TRPM3: variants seen among roughly 807,000 people sequenced by gnomAD.
The protein encoded by TRPM3 is long transient receptor potential channel 3.
In TRPM3, 77 loss-of-function variants were observed where a neutral mutation model predicts 181.2. The ratio of observed to expected loss-of-function variants is 0.42; its 90% CI spans 0.35 to 0.51. The LOEUF (loss-of-function observed/expected upper bound fraction) is 0.51, where lower values mean the gene tolerates loss of function less well. Ranked by LOEUF, TRPM3 falls within the 20% of genes least tolerant of loss-of-function variation. TRPM3 has a pLI of 0.01. For synonymous variants in TRPM3, 745 were observed against 796.4 expected (o/e 0.94, Z 1.09); for missense variants, 1,759 against 2,196.7 (o/e 0.80, Z 3.98).
chr9:70,822,485 T>A (rs1477872200), intron 6 of TRPM3, among the ~76,000 whole-genome samples: 1 of 151,568 alleles, frequency 6.6e-6, no homozygotes, highest in Non-Finnish European at 1.5e-5. Context: ...ATGAGGTACC[T>A]AAAATAGGCA....
intron 3 of TRPM3, among the ~76,000 whole-genome samples, chr9:70,861,841 G>A (rs2095527664): frequency 7.2e-6 from 1 of 138,432 alleles, no homozygotes; most frequent in Non-Finnish European, 1.5e-5. Flanking sequence ...TTCAGAAATG[G>A]TTTTAATATA....
chr9:71,402,206 G>A (rs965732799), intron 1 of TRPM3, among the ~76,000 whole-genome samples: 1 of 152,072 alleles, frequency 6.6e-6, no homozygotes, highest in African/African-American at 2.4e-5. Flanking sequence ...TTTAAATATC[G>A]AGTTCACTTG....
chr9:70,741,618 A>T (rs1467462166), intron 8 of TRPM3, among the ~76,000 whole-genome samples: 1 of 152,204 alleles, frequency 6.6e-6, no homozygotes, highest in Admixed American at 6.5e-5. Flanking sequence ...GTATATGTAT[A>T]TATATCACAG....
intron 8 of TRPM3, among the ~76,000 whole-genome samples, chr9:70,760,386 G>A (rs1307654299): frequency 6.7e-6 from 1 of 149,020 alleles, no homozygotes; most frequent in Non-Finnish European, 1.5e-5. Context: ...TATTCGAGCT[G>A]CAACACCATG....
rs926345600 is a variant in TRPM3 at position 70,803,050 on chromosome 9, A to C, written c.974-18771T>G. Among the ~76,000 whole-genome samples the C allele has an allele frequency of 6.1e-5, 8 of 131,638 alleles. 1 individual carries two copies. Among genetic ancestry groups the C allele is most frequent in the Non-Finnish European group, 1.0e-4 (7 of 66,962 alleles). The allele number at this position is 131,638 out of a possible 152,430, so 86.4% of individuals were successfully genotyped here. On this transcript the variant is annotated intron_variant, in intron 6 of 25. Coordinates refer to ENST00000677713, the MANE Select transcript of TRPM3 (RefSeq NM_001366145.2). ...AAATTTTGTAAAAAAAAAAAAAAAA[A>C]AAAAAAAAACAAAGGCCCAACTCCA... is the stretch of plus-strand genomic sequence containing the variant.
intron 1 of TRPM3, among the ~76,000 whole-genome samples, chr9:71,441,282 C>A (rs2094133209): frequency 6.6e-6 from 1 of 151,534 alleles, no homozygotes; most frequent in Non-Finnish European, 1.5e-5. Context: ...CAACTGTATT[C>A]CTGAGCAATA....
At chr9:71,438,225 A>T (rs965308887) in intron 1 of TRPM3, among the ~76,000 whole-genome samples, 2 of 152,220 alleles carry the variant, frequency 1.3e-5, no homozygotes, top group Non-Finnish European at 2.9e-5. Context: ...AAAACCATAG[A>T]CTAAAAAGGA....
At chr9:71,134,000 T>TGC (rs1453099233) in intron 1 of TRPM3, among the ~76,000 whole-genome samples, 4 of 106,234 alleles carry the variant, frequency 3.8e-5, no homozygotes, top group African/African-American at 1.3e-4. Flanking sequence ...TGTGTGTGTG[T>TGC]GTGTGTGTGT....
intron 1 of TRPM3, among the ~76,000 whole-genome samples, chr9:71,353,404 G>A (rs542276045): frequency 3.1e-4 from 47 of 152,098 alleles, no homozygotes; most frequent in Middle Eastern, 3.2e-3. Context: ...ATGCATAAAG[G>A]TAAGAGATGT....
intron 1 of TRPM3, among the ~76,000 whole-genome samples, chr9:71,100,518 A>C (rs2134043703): frequency 6.6e-6 from 1 of 152,274 alleles, no homozygotes; most frequent in East Asian, 1.9e-4. Flanking sequence ...AATTATGAGG[A>C]TACTAACCCA....
At chr9:70,587,506 C>G (rs1588916516) in intron 22 of TRPM3, among the ~76,000 whole-genome samples, 1 of 152,318 alleles carries the variant, frequency 6.6e-6, no homozygotes, top group East Asian at 1.9e-4. Flanking sequence ...CACCAGAATG[C>G]AGAACCAGAT....
intron 1 of TRPM3, among the ~76,000 whole-genome samples, chr9:71,268,244 G>A (rs370003060): frequency 6.6e-6 from 1 of 152,016 alleles, no homozygotes; most frequent in Non-Finnish European, 1.5e-5. Context: ...GCCTGGCATG[G>A]TGGTGCATGC....
chr9:71,344,700 G>A (rs904521722), intron 1 of TRPM3, among the ~76,000 whole-genome samples: 1 of 152,020 alleles, frequency 6.6e-6, no homozygotes, highest in African/African-American at 2.4e-5. Flanking sequence ...TCTTAGCTAG[G>A]ACTCAAAACA....
intron 1 of TRPM3, among the ~76,000 whole-genome samples, chr9:71,273,976 G>A (rs1283654557): frequency 2.0e-5 from 3 of 152,112 alleles, no homozygotes; most frequent in Admixed American, 1.3e-4. Flanking sequence ...TTATCTCTGG[G>A]TAATTATGAA....
At chr9:71,023,045 G>C (rs1234806256) in intron 1 of TRPM3, among the ~76,000 whole-genome samples, 1 of 151,984 alleles carries the variant, frequency 6.6e-6, no homozygotes, top group Non-Finnish European at 1.5e-5. Context: ...AAAACCCTGT[G>C]AAGAAGCTAT....
In TRPM3 at chr9:71,181,714, G is replaced by A. The variant is rs188407670; in HGVS notation, c.183+264939C>T. Among the ~76,000 whole-genome samples the A allele has an allele frequency of 3.4e-3, 516 of 152,182 alleles. 1 individual carries two copies. Among genetic ancestry groups the A allele is most frequent in the Non-Finnish European group, 5.6e-3 (384 of 67,998 alleles). ...ACCACTGTCCTTTAGCAACAGAGAGGTTCTTTTCTACTTTTCTTTTCTCGT... is the reference window on the plus strand; with the variant it reads ...ACCACTGTCCTTTAGCAACAGAGAGATTCTTTTCTACTTTTCTTTTCTCGT... On this transcript the variant is annotated intron_variant, in intron 1 of 24. Coordinates refer to the TRPM3 transcript ENST00000357533.
chr9:70,990,123 G>A (rs138617204), intron 1 of TRPM3, among the ~76,000 whole-genome samples: 145 of 152,184 alleles, frequency 9.5e-4, no homozygotes, highest in African/African-American at 2.9e-3. Context: ...TAGAAATTCC[G>A]GCTTTCAAGC....
At chr9:71,371,364 A>G (rs1270351242) in intron 1 of TRPM3, among the ~76,000 whole-genome samples, 1 of 152,230 alleles carries the variant, frequency 6.6e-6, no homozygotes, top group Admixed American at 6.5e-5. Context: ...AACATTCACA[A>G]TTAATGGGAG....
At chr9:71,220,546 T>C (rs1273229644) in intron 1 of TRPM3, among the ~76,000 whole-genome samples, 2 of 152,044 alleles carry the variant, frequency 1.3e-5, no homozygotes, top group Non-Finnish European at 2.9e-5. Context: ...CCTTCAGACA[T>C]TCAGGACCTT....
Sources: allele counts gnomAD v4.1 joint callset (sites outside exome capture counted in the v4.1 genomes callset), GRCh38; gene constraint gnomAD v4.1.1; transcripts MANE v1.5; gene names NCBI Gene and HGNC (gene_info 2026-07-23, HGNC 2026-07-21).